Variants in KIF25 observed in about 807,000 individuals in gnomAD.
KIF25 encodes the protein kinesin family member 25, also known as kinesin-like protein KIF25.
KIF25 carries 19 observed loss-of-function variants against 32.9 expected under a neutral mutation model. That is an observed-to-expected ratio of 0.58 (90% CI 0.40 to 0.85). The LOEUF is 0.85. KIF25 is among the 40% of genes least tolerant of loss of function. The pLI, the probability that KIF25 is intolerant of heterozygous loss-of-function variation, is 0.00. For synonymous variants in KIF25, 225 were observed against 213.7 expected (o/e 1.05, Z -0.46); for missense variants, 485 against 507.0 (o/e 0.96, Z 0.42).
intron 12 of KIF25, 64 bp downstream of exon 12, chr6:168,042,780 C>T: frequency 6.5e-7 from 1 of 1,531,282 alleles, no homozygotes; most frequent in East Asian, 2.3e-5. Context: ...TGTGCACACA[C>T]TTCTGGCCTG....
chr6:168,014,000 AAT>A (rs56286678), intron 4 of KIF25, among the ~76,000 whole-genome samples: 23 of 149,044 alleles, frequency 1.5e-4, no homozygotes, highest in Admixed American at 2.7e-4. Context: ...CCACCATGCA[AAT>A]ATATATATAT....
intron 4 of KIF25, among the ~76,000 whole-genome samples, chr6:168,008,357 C>T (rs9364212): frequency 0.25 from 37,626 of 152,044 alleles, 5,457 homozygotes; most frequent in Non-Finnish European, 0.3. Context: ...GTGTTCTTGA[C>T]ATCTTTGTTA....
rs1798841789 is a variant in KIF25, at chr6:168,025,109, G to A, written c.-94-4383G>A. Among the ~76,000 whole-genome samples the A allele has an allele frequency of 2.0e-5, 3 of 152,148 alleles. No individual in the cohort carries two copies. In the South Asian group the frequency reaches 6.2e-4, roughly 32 times the overall value. On this transcript the variant is annotated intron_variant, in intron 5 of 12. Coordinates refer to ENST00000643607, the MANE Select transcript of KIF25 (RefSeq NM_030615.4). ...GAATGGAACAGGGTTAATGAGGGAA[G>A]CACCTCTGGGGAAGAGGCCTTGAGC...
chr6:168,029,459 A>T (rs561211758), intron 5 of KIF25, 33 bp from the exon 6 acceptor site: 3 of 1,431,388 alleles, frequency 2.1e-6, no homozygotes, highest in Admixed American at 2.4e-5. Flanking sequence ...TCGTGGTAAT[A>T]CTGTTACGTT....
intron 5 of KIF25, among the ~76,000 whole-genome samples, chr6:168,025,498 G>T (rs1798847916): frequency 6.6e-6 from 1 of 152,094 alleles, no homozygotes; most frequent in African/African-American, 2.4e-5. Flanking sequence ...GCTGGATGAT[G>T]GCTGAACCGT....
intron 4 of KIF25, among the ~76,000 whole-genome samples, chr6:168,008,782 T>G (rs1798610820): frequency 6.6e-6 from 1 of 152,170 alleles, no homozygotes; most frequent in African/African-American, 2.4e-5. Flanking sequence ...TTTAGAGGTT[T>G]CTCACCTCCT....
intron 5 of KIF25, among the ~76,000 whole-genome samples, chr6:168,027,178 G>T (rs1010945241): frequency 1.3e-5 from 2 of 152,088 alleles, no homozygotes; most frequent in African/African-American, 4.8e-5. Context: ...GGTGGCCGGG[G>T]GTGGTGGCTC....
intron 5 of KIF25, among the ~76,000 whole-genome samples, chr6:168,024,018 T>C (rs1367546182): frequency 6.7e-6 from 1 of 149,644 alleles, no homozygotes; most frequent in Admixed American, 6.6e-5. Flanking sequence ...AATCTCACTA[T>C]GAATACTCAA....
intron 2 of KIF25, among the ~76,000 whole-genome samples, chr6:168,001,782 C>T (rs12055803): frequency 3.3e-5 from 3 of 90,408 alleles, no homozygotes; most frequent in South Asian, 7.7e-4. Context: ...ACACCTGAGG[C>T]GTGGCCTTGG....
chr6:168,042,135 C>T lies in KIF25; in HGVS notation c.813C>T (p.Ala271=), dbSNP rs540998005. ...CTCGACTACAGCTCGTGGACTCGGCCGGCAGCGAGTGCGTTGGTGAGCAGG... is the reference window on the plus strand; with the variant it reads ...CTCGACTACAGCTCGTGGACTCGGCTGGCAGCGAGTGCGTTGGTGAGCAGG... ...VQARLQLVDS[A]GSECVGVSGV... The change falls in exon 11 of 13, where the codon GCC becomes GCT. Residue 271 remains alanine (A), a synonymous_variant. Coordinates refer to ENST00000643607, the MANE Select transcript of KIF25 (RefSeq NM_030615.4). 23 of 1,549,372 alleles carry T rather than the reference C, an allele frequency of 1.5e-5. No individual in the cohort carries two copies. Among genetic ancestry groups the T allele is most frequent in the Admixed American group, 3.9e-5 (2 of 51,026 alleles).
chr6:168,002,956 AATC>A (rs1798527976), intron 3 of KIF25, among the ~76,000 whole-genome samples: 1 of 152,136 alleles, frequency 6.6e-6, no homozygotes, highest in Non-Finnish European at 1.5e-5. Flanking sequence ...CTCCCAAGAG[AATC>A]TAATGCTGCT....
At chr6:168,025,235 G>A (rs572020228) in intron 5 of KIF25, among the ~76,000 whole-genome samples, 37 of 152,304 alleles carry the variant, frequency 2.4e-4, no homozygotes, top group Middle Eastern at 3.4e-3. Context: ...ACCTGGGGGT[G>A]TGGCTGGGGA....
chr6:168,034,078 C>G (rs1359653508), intron 8 of KIF25, 47 bp downstream of exon 8: 3 of 1,603,052 alleles, frequency 1.9e-6, no homozygotes, highest in Non-Finnish European at 2.6e-6. Context: ...GGCAGGGAAG[C>G]CAGGCGGTCA....
rs530655981 is a variant in KIF25 at position 168,041,930 on chromosome 6, C to A, written c.647-39C>A. On this transcript the variant is annotated intron_variant, in intron 10 of 12. Coordinates refer to ENST00000643607, the MANE Select transcript of KIF25 (RefSeq NM_030615.4). ...CAAAGCACAGCCTCATGGCTTCATG[C>A]AACTGTTTTCCTCCTCGTCGCTCCT... 10 of 1,542,786 alleles carry A rather than the reference C, an allele frequency of 6.5e-6. No individual in the cohort carries two copies. The African/African-American group carries it at 1.2e-4, about 19-fold the overall frequency.
At chr6:168,020,274 C>T (rs981135066) in intron 5 of KIF25, among the ~76,000 whole-genome samples, 3 of 152,112 alleles carry the variant, frequency 2.0e-5, no homozygotes, top group African/African-American at 7.2e-5. Context: ...AGATACAGGA[C>T]CAGCACCTCT....
chr6:168,000,447 C>T (rs9689581), intron 2 of KIF25, among the ~76,000 whole-genome samples: 17,477 of 91,812 alleles, frequency 0.19, 1,955 homozygotes, highest in East Asian at 0.36. Context: ...ACCCTCCCCA[C>T]TCCCATCCTG....
intron 5 of KIF25, among the ~76,000 whole-genome samples, chr6:168,028,348 C>A (rs774844960): frequency 5.3e-5 from 8 of 152,100 alleles, no homozygotes; most frequent in Non-Finnish European, 1.0e-4. Context: ...TCGTGCCCGG[C>A]CTGTAACACC....
intron 12 of KIF25, among the ~76,000 whole-genome samples, chr6:168,044,086 G>T (rs545203632): frequency 7.9e-5 from 12 of 152,342 alleles, no homozygotes; most frequent in African/African-American, 2.2e-4. Context: ...CCCAATTCCC[G>T]GGACACAGGA....
chr6:168,036,064 G>T (rs1297583029), intron 8 of KIF25: 1 of 223,790 alleles, frequency 4.5e-6, no homozygotes, highest in East Asian at 1.1e-4. Flanking sequence ...CCTTTACCCT[G>T]AAAAGGACTA....
Sources: gnomAD v4.1 joint callset for allele counts (sites outside exome capture counted in the v4.1 genomes callset) on GRCh38, gnomAD v4.1.1 for gene constraint, MANE v1.5 for transcripts, NCBI Gene and HGNC (gene_info 2026-07-23, HGNC 2026-07-21) for gene names.